Variants in SRPK2 observed in about 807,000 individuals in gnomAD.
SRPK2 encodes the protein SFRS protein kinase 2.
SRPK2 carries 21 observed loss-of-function variants against 90.8 expected under a neutral mutation model. The ratio of observed to expected loss-of-function variants is 0.23; its 90% confidence interval spans 0.16 to 0.33. The LOEUF (loss-of-function observed/expected upper bound fraction) is 0.33. SRPK2 is among the 10% of genes least tolerant of loss of function. The pLI, the probability that SRPK2 is intolerant of heterozygous loss-of-function variation, is 1.00. For missense variants in SRPK2, 620 were observed against 869.0 expected (o/e 0.71, Z 3.60); for synonymous variants, 288 against 311.1 (o/e 0.93, Z 0.78).
intron 1 of SRPK2, among the ~76,000 whole-genome samples, chr7:105,396,415 A>G (rs980339590): frequency 6.6e-6 from 1 of 151,782 alleles, no homozygotes; most frequent in Non-Finnish European, 1.5e-5. Flanking sequence ...AGGCAGGCAG[A>G]TCACGAGGTC....
chr7:105,184,719 C>G (rs1793350496), intron 3 of SRPK2, among the ~76,000 whole-genome samples: 1 of 152,154 alleles, frequency 6.6e-6, no homozygotes, highest in Non-Finnish European at 1.5e-5. Context: ...ATTTGACTGA[C>G]ATTTTCTTTC....
chr7:105,398,976 T>C lies in SRPK2; in HGVS notation n.153+180A>G, dbSNP rs139971618. Among the ~76,000 whole-genome samples the C allele has an allele frequency of 4.1e-4, 63 of 152,326 alleles. No homozygotes were observed. The East Asian group carries it at 0.011, about 27-fold the overall frequency. On this transcript the variant is annotated intron_variant and non_coding_transcript_variant, in intron 1 of 3. Coordinates refer to the SRPK2 transcript ENST00000462282. The stretch of plus-strand genomic sequence containing the variant: ...ACTTGGAGGAGTACCTAAGCATGTC[T>C]GTTTGGAGGATTAAATGACTTAGTT...
At chr7:105,305,895 G>A (rs1811093080) in intron 2 of SRPK2, among the ~76,000 whole-genome samples, 1 of 152,208 alleles carries the variant, frequency 6.6e-6, no homozygotes, top group Non-Finnish European at 1.5e-5. Flanking sequence ...GACTTTGAGG[G>A]AGGTACAAAT....
At chr7:105,174,939 T>A (rs540517608) in intron 3 of SRPK2, among the ~76,000 whole-genome samples, 2 of 152,214 alleles carry the variant, frequency 1.3e-5, no homozygotes, top group South Asian at 4.1e-4. Context: ...AAGTCAGGAA[T>A]TCAAGACCAG....
chr7:105,149,554 G>A (rs181835766), intron 7 of SRPK2, among the ~76,000 whole-genome samples: 4 of 152,040 alleles, frequency 2.6e-5, no homozygotes, highest in African/African-American at 9.6e-5. Context: ...CAGTCCCCTG[G>A]GCCCACTGTT....
intron 2 of SRPK2, among the ~76,000 whole-genome samples, chr7:105,335,548 T>C (rs930866657): frequency 6.6e-6 from 1 of 151,048 alleles, no homozygotes; most frequent in Admixed American, 6.6e-5. Context: ...TTCCAACTAC[T>C]GGAGATGCTG....
At chr7:105,230,006 A>G (rs2129619499) in intron 2 of SRPK2, among the ~76,000 whole-genome samples, 1 of 152,356 alleles carries the variant, frequency 6.6e-6, no homozygotes, top group East Asian at 1.9e-4. Flanking sequence ...ACATATAGGT[A>G]GATTTTAGCC....
At chr7:105,396,449 A>G (rs1822323964) in intron 1 of SRPK2, among the ~76,000 whole-genome samples, 3 of 151,712 alleles carry the variant, frequency 2.0e-5, no homozygotes, top group African/African-American at 7.3e-5. Flanking sequence ...CATCCTGGCT[A>G]ACACGGCGAA....
At chr7:105,309,881 A>G (rs1811520274) in intron 2 of SRPK2, among the ~76,000 whole-genome samples, 1 of 152,228 alleles carries the variant, frequency 6.6e-6, no homozygotes, top group South Asian at 2.1e-4. Context: ...ATAAACAAGA[A>G]GTCTCAGTTT....
At chr7:105,190,179 G>C (rs1192589899) in intron 3 of SRPK2, among the ~76,000 whole-genome samples, 1 of 152,204 alleles carries the variant, frequency 6.6e-6, no homozygotes, top group African/African-American at 2.4e-5. Flanking sequence ...GATCCAAAAG[G>C]GCAGATTATG....
intron 2 of SRPK2, among the ~76,000 whole-genome samples, chr7:105,237,644 C>A (rs1246260968): frequency 1.3e-5 from 2 of 152,132 alleles, no homozygotes; most frequent in Non-Finnish European, 2.9e-5. Flanking sequence ...TTGCTGTGAC[C>A]ATGATACATA....
chr7:105,119,198 TA>T (rs1799977491), intron 15 of SRPK2, among the ~76,000 whole-genome samples: 2 of 151,930 alleles, frequency 1.3e-5, no homozygotes, highest in South Asian at 4.2e-4. Context: ...TCAACTGCTT[TA>T]ATTTAAACAA....
At chr7:105,252,662 C>T (rs1802631527) in intron 2 of SRPK2, among the ~76,000 whole-genome samples, 1 of 151,876 alleles carries the variant, frequency 6.6e-6, no homozygotes. Flanking sequence ...AGAAATGATA[C>T]TTTATATATC....
intron 3 of SRPK2, among the ~76,000 whole-genome samples, chr7:105,180,537 C>T (rs540734418): frequency 1.5e-4 from 23 of 152,308 alleles, no homozygotes; most frequent in African/African-American, 5.5e-4. Context: ...AGGCAGATCA[C>T]TTGAGGTTGG....
chr7:105,235,149 G>A (rs923503680), intron 2 of SRPK2, among the ~76,000 whole-genome samples: 5 of 152,158 alleles, frequency 3.3e-5, no homozygotes, highest in African/African-American at 1.2e-4. Flanking sequence ...ACAGGGTAAT[G>A]TAATTTTTTG....
chr7:105,185,321 A>ATTATT (rs1793439403), intron 3 of SRPK2, among the ~76,000 whole-genome samples: 1 of 152,052 alleles, frequency 6.6e-6, no homozygotes, highest in Non-Finnish European at 1.5e-5. Context: ...AAATTTAACA[A>ATTATT]TTAAAATAAC....
chr7:105,169,279 A>T lies in SRPK2; in HGVS notation c.230-14T>A, dbSNP rs780443601. On this transcript the variant is annotated splice_polypyrimidine_tract_variant and intron_variant, in intron 3 of 15. Coordinates refer to ENST00000393651, the MANE Select transcript of SRPK2 (RefSeq NM_182692.3). ...GATGATATCCACCTTAAAAAACAAG[A>T]AAGAAAGAAAAAAATTCAAAATATT... is the stretch of plus-strand genomic sequence containing the variant. 12 of 1,583,608 alleles carry T rather than the reference A, an allele frequency of 7.6e-6. No homozygotes were observed. The East Asian group carries it at 2.2e-4, about 29-fold the overall frequency.
chr7:105,326,269 G>A (rs1476603871), intron 2 of SRPK2, among the ~76,000 whole-genome samples: 1 of 152,158 alleles, frequency 6.6e-6, no homozygotes, highest in Non-Finnish European at 1.5e-5. Context: ...TAGTCTCCTA[G>A]CTTTCACTTT....
intron 2 of SRPK2, among the ~76,000 whole-genome samples, chr7:105,221,579 G>A (rs986451632): frequency 1.3e-4 from 20 of 152,068 alleles, no homozygotes; most frequent in East Asian, 5.8e-4. Flanking sequence ...TCAGCATCAC[G>A]GAGCATTCTG....
Sources: allele counts gnomAD v4.1 joint callset (sites outside exome capture counted in the v4.1 genomes callset), GRCh38; gene constraint gnomAD v4.1.1; transcripts MANE v1.5; gene names NCBI Gene and HGNC (gene_info 2026-07-23, HGNC 2026-07-21).